SPCS2: variants seen among roughly 807,000 people sequenced by gnomAD.
SPCS2 encodes signal peptidase complex subunit 2.
SPCS2 carries 3 observed loss-of-function variants against 22.3 expected under a neutral mutation model. The ratio of observed to expected loss-of-function variants is 0.13; its 90% CI spans 0.06 to 0.35. SPCS2 has a LOEUF of 0.35. SPCS2 is among the 10% of genes least tolerant of loss of function. The probability of loss-of-function intolerance (pLI) is 1.00; values close to 1 mark genes in which losing one functional copy is unlikely to be tolerated. For synonymous variants in SPCS2, 67 were observed against 97.2 expected (o/e 0.69, Z 1.83); for missense variants, 169 against 280.9 (o/e 0.60, Z 2.85).
Position 74,977,024 on chromosome 11 carries a change from T to C in SPCS2, c.662T>C (p.Ile221Thr). The part of the protein sequence containing the change: ...EISRLHDSLA[I>T]ERKIK ...TCCAGGCTCCATGACAGTCTTGCCA[T>C]AGAAAGAAAAATAAAGTAGCCAATT... The change falls in exon 5 of 5, where the codon ATA becomes ACA. Residue 221 changes from isoleucine to threonine, a missense_variant. Transcript: ENST00000263672. The C allele has an allele frequency of 6.6e-7, 1 of 1,506,642 alleles. No homozygotes were observed. The highest frequency in any genetic ancestry group is 1.3e-5 in the South Asian group (1 of 77,450). 93.3% of individuals were successfully genotyped at this position (1,506,642 alleles called of 1,614,324 possible). A position where few individuals can be genotyped will look rare whatever the true frequency, so the allele number is the denominator to read the frequency against.
rs975543624 is a variant in SPCS2, at chr11:74,949,283, A to G, written c.-3A>G. On this transcript the variant is annotated 5_prime_UTR_variant, in exon 1 of 5. Transcript: ENST00000263672. ...AGGGGAGGGAGACGCAGAGGCGGAC[A>G]AGATGGCGGCGGCAGCTGTACAGGG... 3 of 1,537,170 alleles carry G rather than the reference A, an allele frequency of 2.0e-6. No homozygotes were observed. The highest frequency in any genetic ancestry group is 2.8e-5 in the African/African-American group (2 of 72,192).
intron 1 of SPCS2, among the ~76,000 whole-genome samples, chr11:74,959,226 G>A (rs1167470969): frequency 6.6e-6 from 1 of 152,180 alleles, no homozygotes; most frequent in Admixed American, 6.5e-5. Flanking sequence ...GGAATCCTTT[G>A]AGTCTTATTA....
At chr11:74,972,200 G>T (rs2028343) in intron 4 of SPCS2, among the ~76,000 whole-genome samples, 3 of 151,560 alleles carry the variant, frequency 2.0e-5, no homozygotes, top group Non-Finnish European at 4.4e-5. Flanking sequence ...TGAGTAGCTG[G>T]GATTACGGAC....
At chr11:74,958,378 A>T (rs896024675) in intron 1 of SPCS2, among the ~76,000 whole-genome samples, 72 of 152,228 alleles carry the variant, frequency 4.7e-4, no homozygotes, top group African/African-American at 1.7e-3. Context: ...TGTTGCTAAG[A>T]GCATAATCTC....
In SPCS2 at chr11:74,969,606, A is replaced by G. The variant is rs1055369688; in HGVS notation, c.401A>G (p.Tyr134Cys). ...MMGILTIYTS[Y>C]KEKSIFLVAH... ...GGGATTCTGACCATTTATACCTCAT[A>G]TAAGGAGAAGAGCATCTTTCTCGTG... The change falls in exon 4 of 5, where the codon TAT (tyrosine) becomes TGT (cysteine). Residue 134 changes from tyrosine to cysteine, a missense_variant. Coordinates refer to ENST00000263672, the MANE Select transcript of SPCS2 (RefSeq NM_014752.3). The G allele has an allele frequency of 2.5e-6, 4 of 1,613,418 alleles. No homozygotes were observed. Among genetic ancestry groups the G allele is most frequent in the South Asian group, 1.1e-5 (1 of 91,078 alleles).
At position 74,968,122 on chromosome 11, in the gene SPCS2, G is replaced by T. The variant is rs186595670; in HGVS notation, c.360-1443G>T. 3.3e-5 allele frequency: 5 copies of T among 152,168 alleles called. No homozygotes were observed. In the East Asian group the frequency reaches 9.6e-4, roughly 29 times the overall value. 9.4% of individuals were successfully genotyped at this position (152,168 alleles called of 1,614,324 possible). A position where few individuals can be genotyped will look rare whatever the true frequency, so the allele number is the denominator to read the frequency against. Reference sequence around the variant, plus strand: ...AATCTAGGATTATCTCTACTCTAAAGTCCATATACTTTGTACTATATTTTC... The same window carrying T: ...AATCTAGGATTATCTCTACTCTAAATTCCATATACTTTGTACTATATTTTC... On this transcript the variant is annotated intron_variant, in intron 3 of 4. Coordinates refer to ENST00000263672, the MANE Select transcript of SPCS2 (RefSeq NM_014752.3).
intron 4 of SPCS2, 85 bp downstream of exon 4, chr11:74,969,784 G>A (rs989703807): frequency 3.4e-6 from 5 of 1,467,772 alleles, no homozygotes; most frequent in Non-Finnish European, 4.8e-6. Flanking sequence ...CTTATTATGT[G>A]CCTACTCTAT....
At chr11:74,951,478 TGA>T in intron 1 of SPCS2, among the ~76,000 whole-genome samples, 1 of 152,030 alleles carries the variant, frequency 6.6e-6, no homozygotes, top group East Asian at 1.9e-4. Flanking sequence ...GAAGTTCAAA[TGA>T]GAGAAATAGA....
intron 4 of SPCS2, among the ~76,000 whole-genome samples, chr11:74,973,041 G>A (rs2140221374): frequency 1.3e-5 from 2 of 152,098 alleles, no homozygotes; most frequent in South Asian, 4.2e-4. Flanking sequence ...ACACAGGAAG[G>A]GGAACATCCC....
At chr11:74,967,565 C>T (rs1011135047) in intron 3 of SPCS2, among the ~76,000 whole-genome samples, 2 of 152,056 alleles carry the variant, frequency 1.3e-5, no homozygotes, top group African/African-American at 4.8e-5. Context: ...GCCTGAGCAA[C>T]TTGGAGAAAT....
intron 4 of SPCS2, among the ~76,000 whole-genome samples, chr11:74,974,821 A>G (rs1234889920): frequency 1.3e-5 from 2 of 151,910 alleles, no homozygotes; most frequent in African/African-American, 2.4e-5. Context: ...TCACCATGTT[A>G]GCCAGGATGG....
At chr11:74,961,192 A>G (rs909763057) in intron 1 of SPCS2, among the ~76,000 whole-genome samples, 1 of 152,218 alleles carries the variant, frequency 6.6e-6, no homozygotes, top group Non-Finnish European at 1.5e-5. Flanking sequence ...AGCAACAGCA[A>G]TAGCTAATTT....
At chr11:74,953,193 T>G (rs1268152586) in intron 1 of SPCS2, among the ~76,000 whole-genome samples, 2 of 151,882 alleles carry the variant, frequency 1.3e-5, no homozygotes, top group Admixed American at 6.6e-5. Flanking sequence ...TGTGTGGGAA[T>G]GAGAAGCTAT....
chr11:74,970,343 G>A (rs1322332571), intron 4 of SPCS2, among the ~76,000 whole-genome samples: 2 of 152,196 alleles, frequency 1.3e-5, no homozygotes, highest in African/African-American at 2.4e-5. Flanking sequence ...AACATTTACT[G>A]TATGTTGGGT....
chr11:74,958,670 A>G (rs2140215607), intron 1 of SPCS2, among the ~76,000 whole-genome samples: 1 of 152,314 alleles, frequency 6.6e-6, no homozygotes, highest in South Asian at 2.1e-4. Flanking sequence ...GGAAAATGAC[A>G]TGATGGCTCC....
intron 4 of SPCS2, 97 bp downstream of exon 4, chr11:74,969,796 T>A: frequency 7.4e-7 from 1 of 1,353,066 alleles, no homozygotes; most frequent in Non-Finnish European, 1.1e-6. Context: ...CTACTCTATG[T>A]GGATCATAGG....
rs545099999 is a variant in SPCS2, at chr11:74,962,910, T to A, written c.115-2124T>A. On this transcript the variant is annotated intron_variant, in intron 1 of 4. Coordinates refer to ENST00000263672, the MANE Select transcript of SPCS2 (RefSeq NM_014752.3). ...TGTAATGGCTGCTTCTGCATTTTAT[T>A]CTCCCAAATTGGTTAAGACATTATC... Among the ~76,000 whole-genome samples the A allele has an allele frequency of 1.3e-3, 205 of 152,352 alleles. 1 individual carries two copies. The highest frequency in any genetic ancestry group is 4.8e-3 in the African/African-American group (198 of 41,586).
At chr11:74,959,394 T>C (rs1165584464) in intron 1 of SPCS2, among the ~76,000 whole-genome samples, 1 of 152,200 alleles carries the variant, frequency 6.6e-6, no homozygotes, top group Non-Finnish European at 1.5e-5. Flanking sequence ...ACCAAGGATT[T>C]TGTCCTTTTG....
At chr11:74,949,555 C>T (rs1364574332) in intron 1 of SPCS2, 156 bp downstream of exon 1, 13 of 713,342 alleles carry the variant, frequency 1.8e-5, no homozygotes, top group Non-Finnish European at 2.8e-5. Context: ...GGAGCCTGCC[C>T]TTGCCCTCAT....
Sources: allele counts gnomAD v4.1 joint callset (sites outside exome capture counted in the v4.1 genomes callset), GRCh38; gene constraint gnomAD v4.1.1; transcripts MANE v1.5; gene names NCBI Gene and HGNC (gene_info 2026-07-23, HGNC 2026-07-21).